VCAN: variants seen among roughly 807,000 people sequenced by gnomAD.
VCAN encodes the protein versican core protein.
Under a neutral mutation model 245.5 loss-of-function variants are expected in VCAN, and 44 were observed. The ratio of observed to expected loss-of-function variants is 0.18; its 90% CI spans 0.14 to 0.23. VCAN has a LOEUF of 0.23. Ranked by LOEUF, VCAN falls within the 10% of genes least tolerant of loss-of-function variation. The pLI, the probability that VCAN is intolerant of heterozygous loss-of-function variation, is 1.00. For missense variants in VCAN, 3,793 were observed against 4,057.9 expected (o/e 0.93, Z 1.77); for synonymous variants, 1,413 against 1,437.0 (o/e 0.98, Z 0.38).
chr5:83,502,873 G>T (rs144062498), intron 5 of VCAN, among the ~76,000 whole-genome samples: 64 of 152,210 alleles, frequency 4.2e-4, no homozygotes, highest in African/African-American at 1.5e-3. Context: ...TTTGGAGGGG[G>T]CCCTCCTAGC....
chr5:83,473,380 G>A (rs1310430286), intron 1 of VCAN, among the ~76,000 whole-genome samples: 1 of 152,126 alleles, frequency 6.6e-6, no homozygotes, highest in East Asian at 1.9e-4. Flanking sequence ...GGAAGGGGGA[G>A]AAATCTACAC....
At chr5:83,567,536 G>A (rs1318399366) in intron 12 of VCAN, among the ~76,000 whole-genome samples, 4 of 152,136 alleles carry the variant, frequency 2.6e-5, no homozygotes, top group African/African-American at 9.6e-5. Context: ...TCCTGACCTC[G>A]TGATCCACCC....
At chr5:83,493,762 A>T in intron 4 of VCAN, 42 bp downstream of exon 4, 1 of 1,614,108 alleles carries the variant, frequency 6.2e-7, no homozygotes, top group Non-Finnish European at 8.5e-7. Context: ...TTAACTTGAG[A>T]GTGAGAAGAA....
At chr5:83,563,591 G>T (rs534741813) in intron 12 of VCAN, among the ~76,000 whole-genome samples, 1 of 152,114 alleles carries the variant, frequency 6.6e-6, no homozygotes, top group African/African-American at 2.4e-5. Flanking sequence ...TTTCAAACAG[G>T]TACCTGTCCT....
chr5:83,572,835 G>T (rs1454566574), intron 13 of VCAN, among the ~76,000 whole-genome samples: 1 of 151,770 alleles, frequency 6.6e-6, no homozygotes, highest in African/African-American at 2.4e-5. Flanking sequence ...ACAACTGCCA[G>T]TCCAAAGGCC....
At chr5:83,489,284 G>C (rs1744888825) in intron 2 of VCAN, among the ~76,000 whole-genome samples, 1 of 152,194 alleles carries the variant, frequency 6.6e-6, no homozygotes, top group African/African-American at 2.4e-5. Flanking sequence ...AGGAGAGTGG[G>C]AGAGAAAGGG....
intron 1 of VCAN, among the ~76,000 whole-genome samples, chr5:83,480,843 T>C (rs1744588954): frequency 6.6e-6 from 1 of 152,212 alleles, no homozygotes; most frequent in African/African-American, 2.4e-5. Flanking sequence ...TTTTTACTCT[T>C]AGTGATATGA....
chr5:83,564,100 A>T (rs1333353982), intron 12 of VCAN, among the ~76,000 whole-genome samples: 6 of 152,220 alleles, frequency 3.9e-5, no homozygotes, highest in Admixed American at 3.9e-4. Flanking sequence ...ATACTGGTTC[A>T]CCGAGGTCTG....
intron 7 of VCAN, chr5:83,536,314 G>C (rs898078576): frequency 6.6e-6 from 1 of 152,096 alleles, no homozygotes; most frequent in Non-Finnish European, 1.5e-5. Flanking sequence ...AATAGAGCCC[G>C]CCTATCCAGA....
chr5:83,488,252 C>T (rs1047567739), intron 2 of VCAN, among the ~76,000 whole-genome samples: 1 of 152,122 alleles, frequency 6.6e-6, no homozygotes, highest in Non-Finnish European at 1.5e-5. Context: ...CTCTGTGAAC[C>T]TTACGGATTT....
chr5:83,526,442 A>T (rs941921459), intron 7 of VCAN, among the ~76,000 whole-genome samples: 1 of 152,224 alleles, frequency 6.6e-6, no homozygotes, highest in African/African-American at 2.4e-5. Flanking sequence ...ACAAAAGAGT[A>T]GCTGTGTTGG....
At chr5:83,573,177 C>T (rs927770516) in intron 13 of VCAN, among the ~76,000 whole-genome samples, 66 of 152,214 alleles carry the variant, frequency 4.3e-4, no homozygotes, top group African/African-American at 1.6e-3. Context: ...GGATTACAGG[C>T]TTGAGCCACC....
At chr5:83,495,722 G>C (rs1441080118) in intron 5 of VCAN, among the ~76,000 whole-genome samples, 1 of 152,152 alleles carries the variant, frequency 6.6e-6, no homozygotes, top group East Asian at 1.9e-4. Context: ...AGTAATACTA[G>C]AAATGATCCA....
intron 6 of VCAN, among the ~76,000 whole-genome samples, chr5:83,515,955 G>A (rs1053372173): frequency 2.6e-5 from 4 of 152,148 alleles, no homozygotes; most frequent in African/African-American, 7.2e-5. Flanking sequence ...TGAATTGGCC[G>A]GGCGCGGTCG....
intron 7 of VCAN, chr5:83,535,602 G>GT (rs1244761346): frequency 2.6e-5 from 4 of 151,982 alleles, no homozygotes; most frequent in Non-Finnish European, 5.9e-5. Context: ...CTTCAATAGG[G>GT]TTTTTTCTTC....
At chr5:83,572,341 G>A (rs1748317082) in intron 12 of VCAN, 75 bp from the exon 13 acceptor site, 1 of 1,544,908 alleles carries the variant, frequency 6.5e-7, no homozygotes, top group Non-Finnish European at 8.9e-7. Flanking sequence ...CAATTAGATT[G>A]TGATATAATA....
At chr5:83,492,573 C>A (rs1250037386) in intron 3 of VCAN, among the ~76,000 whole-genome samples, 1 of 152,112 alleles carries the variant, frequency 6.6e-6, no homozygotes, top group Non-Finnish European at 1.5e-5. Flanking sequence ...CAGAGCTCCA[C>A]CCCCTTGCTT....
intron 7 of VCAN, among the ~76,000 whole-genome samples, chr5:83,532,341 A>G (rs556188610): frequency 1.3e-5 from 2 of 152,192 alleles, no homozygotes; most frequent in African/African-American, 4.8e-5. Context: ...GCAAGGAGTT[A>G]GTGACAAATA....
rs1307901182 is a variant in VCAN at position 83,522,102 on chromosome 5, A to G, written c.3796A>G (p.Ile1266Val). The G allele has an allele frequency of 1.2e-6, 2 of 1,614,066 alleles. No individual in the cohort carries two copies. Among genetic ancestry groups the G allele is most frequent in the Middle Eastern group, 1.6e-4 (1 of 6,084 alleles). ...TGTTCCTCCCACTACCCTTGAAGAT[A>G]TTGTAGCCAAGGAAACAGAAACCGA... Reference protein sequence around the residue: ...SHVPPTTLEDIVAKETETDID... With the variant: ...SHVPPTTLEDVVAKETETDID... The change falls in exon 7 of 15, where the codon ATT (isoleucine) becomes GTT (valine). Residue 1266 changes from isoleucine (I) to valine (V), a missense_variant. This residue lies in a region of VCAN where 3,182 missense variants were observed against 3,250.3 expected (regional missense o/e 0.98). Transcript: ENST00000265077.
Sources: allele counts gnomAD v4.1 joint callset (sites outside exome capture counted in the v4.1 genomes callset), GRCh38; gene constraint gnomAD v4.1.1; regional missense constraint gnomAD v4.1.1; transcripts MANE v1.5; gene names NCBI Gene and HGNC (gene_info 2026-07-23, HGNC 2026-07-21).